ATP8B4: variants seen among roughly 807,000 people sequenced by gnomAD.
ATP8B4 encodes ATPase phospholipid transporting 8B4 (putative), also known as probable phospholipid-transporting ATPase IM.
In ATP8B4, 133 loss-of-function variants were observed where a neutral mutation model predicts 145.6. The observed-to-expected ratio is 0.91, with a 90% CI of 0.79 to 1.05. The LOEUF (loss-of-function observed/expected upper bound fraction) is 1.05. ATP8B4 is among the 50% of genes least tolerant of loss of function. The pLI, the probability that ATP8B4 is intolerant of heterozygous loss-of-function variation, is 0.00. For missense variants in ATP8B4, 1,458 were observed against 1,425.2 expected (o/e 1.02, Z -0.37); for synonymous variants, 507 against 492.9 (o/e 1.03, Z -0.38).
At chr15:49,985,113 T>C (rs2046477676) in intron 10 of ATP8B4, among the ~76,000 whole-genome samples, 1 of 152,064 alleles carries the variant, frequency 6.6e-6, no homozygotes, top group African/African-American at 2.4e-5. Flanking sequence ...TTTTTTTTTT[T>C]TGAGATGGAG....
chr15:50,075,022 C>T (rs555161286), intron 2 of ATP8B4, among the ~76,000 whole-genome samples: 16 of 152,042 alleles, frequency 1.1e-4, no homozygotes, highest in South Asian at 4.2e-4. Context: ...ATTCTCATGG[C>T]GAGTGACTTG....
intron 1 of ATP8B4, among the ~76,000 whole-genome samples, chr15:50,167,897 G>C (rs1486414698): frequency 6.6e-6 from 1 of 152,094 alleles, no homozygotes; most frequent in Non-Finnish European, 1.5e-5. Context: ...TAAAGGAATG[G>C]ATTCATCTGG....
chr15:50,170,792 C>G (rs908977828), intron 1 of ATP8B4, among the ~76,000 whole-genome samples: 1 of 152,184 alleles, frequency 6.6e-6, no homozygotes. Context: ...TACCAATCAA[C>G]TATCTGCTGC....
intron 5 of ATP8B4, among the ~76,000 whole-genome samples, chr15:50,043,479 C>A (rs542025989): frequency 6.6e-6 from 1 of 152,204 alleles, no homozygotes; most frequent in South Asian, 2.1e-4. Flanking sequence ...GCTTCTGCAA[C>A]CCCTGAGACA....
At chr15:49,973,913 T>A (rs1485012219) in intron 12 of ATP8B4, among the ~76,000 whole-genome samples, 1 of 152,196 alleles carries the variant, frequency 6.6e-6, no homozygotes, top group Non-Finnish European at 1.5e-5. Flanking sequence ...TCAAATTTTA[T>A]TGGCCAGTGA....
At chr15:50,154,050 A>G (rs2044382545) in intron 1 of ATP8B4, among the ~76,000 whole-genome samples, 1 of 152,212 alleles carries the variant, frequency 6.6e-6, no homozygotes, top group African/African-American at 2.4e-5. Flanking sequence ...TTCCCTTCTA[A>G]TCATAGCCAA....
intron 1 of ATP8B4, among the ~76,000 whole-genome samples, chr15:50,155,064 T>C (rs2044394187): frequency 6.6e-6 from 1 of 152,160 alleles, no homozygotes; most frequent in Non-Finnish European, 1.5e-5. Flanking sequence ...AGATTACTTA[T>C]GAAAACTGAG....
chr15:49,980,670 T>G (rs753574421), intron 11 of ATP8B4, among the ~76,000 whole-genome samples: 4 of 152,176 alleles, frequency 2.6e-5, no homozygotes, highest in Non-Finnish European at 5.9e-5. Context: ...TCAAAGGATT[T>G]ATAACCAGAA....
intron 1 of ATP8B4, among the ~76,000 whole-genome samples, chr15:50,141,003 C>G (rs952654967): frequency 1.3e-5 from 2 of 152,122 alleles, no homozygotes; most frequent in African/African-American, 4.8e-5. Context: ...TTCTAGAACT[C>G]CATCATGGAA....
At chr15:50,119,323 A>T (rs1297400709), upstream of ATP8B4, 7 of 152,210 alleles carry the variant, frequency 4.6e-5, no homozygotes, top group African/African-American at 1.4e-4. Context: ...AACACTCTTG[A>T]CCACTTACCA....
intron 2 of ATP8B4, among the ~76,000 whole-genome samples, chr15:50,090,434 G>C (rs918902189): frequency 6.6e-6 from 1 of 152,244 alleles, no homozygotes; most frequent in Admixed American, 6.5e-5. Context: ...GAGGTGATTA[G>C]GTCATGAAGG....
chr15:49,914,222 A>G (rs965884794), intron 20 of ATP8B4, among the ~76,000 whole-genome samples: 1 of 152,098 alleles, frequency 6.6e-6, no homozygotes, highest in Non-Finnish European at 1.5e-5. Context: ...TACACACACT[A>G]GAGAACAGAC....
At chr15:49,969,064 C>T (rs1200737173) in intron 13 of ATP8B4, among the ~76,000 whole-genome samples, 2 of 152,268 alleles carry the variant, frequency 1.3e-5, no homozygotes, top group African/African-American at 2.4e-5. Context: ...TAAGTAAGTT[C>T]TTTGAAACCA....
At chr15:50,160,160 C>G (rs1243511020) in intron 1 of ATP8B4, among the ~76,000 whole-genome samples, 1 of 150,996 alleles carries the variant, frequency 6.6e-6, no homozygotes, top group Non-Finnish European at 1.5e-5. Flanking sequence ...TCCATTTCTT[C>G]TAGGTTTTCC....
At chr15:49,983,591 CT>C (rs113735004) in intron 10 of ATP8B4, among the ~76,000 whole-genome samples, 1 of 152,176 alleles carries the variant, frequency 6.6e-6, no homozygotes, top group African/African-American at 2.4e-5. Context: ...ATTTTTCCTC[CT>C]TCCCAACCCC....
chr15:49,981,605 G>A, intron 10 of ATP8B4, among the ~76,000 whole-genome samples: 1 of 151,980 alleles, frequency 6.6e-6, no homozygotes, highest in Non-Finnish European at 1.5e-5. Flanking sequence ...CATAGTTAAA[G>A]ATAACAAAGT....
chr15:50,157,617 AT>A (rs1362429386), intron 1 of ATP8B4, among the ~76,000 whole-genome samples: 3 of 151,972 alleles, frequency 2.0e-5, no homozygotes, highest in African/African-American at 7.3e-5. Context: ...TTCCATATAA[AT>A]TTTAGGATTT....
chr15:50,097,407 T>G (rs189386748), intron 2 of ATP8B4, among the ~76,000 whole-genome samples: 29 of 152,298 alleles, frequency 1.9e-4, no homozygotes, highest in African/African-American at 6.0e-4. Flanking sequence ...AACAATACTT[T>G]CCAAAATGCT....
intron 6 of ATP8B4, among the ~76,000 whole-genome samples, chr15:50,017,976 G>A (rs1212636637): frequency 2.1e-5 from 3 of 144,400 alleles, no homozygotes; most frequent in East Asian, 4.3e-4. Context: ...CACATAAGTC[G>A]AATTCTTTTT....
Sources: allele counts gnomAD v4.1 joint callset (sites outside exome capture counted in the v4.1 genomes callset), GRCh38; gene constraint gnomAD v4.1.1; transcripts MANE v1.5; gene names NCBI Gene and HGNC (gene_info 2026-07-23, HGNC 2026-07-21).